The following TUSC3 variants were observed in gnomAD, a reference collection of about 807,000 sequenced individuals.
TUSC3 encodes dolichyl-diphosphooligosaccharide--protein glycosyltransferase subunit TUSC3.
Under a neutral mutation model 44.8 loss-of-function variants are expected in TUSC3, and 45 were observed. The ratio of observed to expected loss-of-function variants is 1.00; its 90% confidence interval spans 0.79 to 1.29. The LOEUF is 1.29. TUSC3 is among the 50% of genes most tolerant of loss of function. TUSC3 has a pLI of 0.00. For synonymous variants in TUSC3, 212 were observed against 152.9 expected (o/e 1.39, Z -2.85); for missense variants, 519 against 437.9 (o/e 1.19, Z -1.65).
chr8:15,533,839 C>A (rs1314739324), intron 2 of TUSC3, among the ~76,000 whole-genome samples: 2 of 152,082 alleles, frequency 1.3e-5, no homozygotes, highest in Non-Finnish European at 2.9e-5. Flanking sequence ...TTGGGGCTGA[C>A]ATCTCTCCAG....
At chr8:15,761,944 GA>G (rs1442019571) in intron 10 of TUSC3, among the ~76,000 whole-genome samples, 1 of 151,758 alleles carries the variant, frequency 6.6e-6, no homozygotes, top group Admixed American at 6.6e-5. Flanking sequence ...TGTGAAAAGG[GA>G]AAAAAATACG....
At chr8:15,564,044 C>T (rs1194121471) in intron 1 of TUSC3, among the ~76,000 whole-genome samples, 2 of 152,198 alleles carry the variant, frequency 1.3e-5, no homozygotes, top group East Asian at 1.9e-4. Flanking sequence ...ATGTTTCCCT[C>T]TTCCTCTCCA....
chr8:15,736,116 C>T (rs1414818620), intron 7 of TUSC3, among the ~76,000 whole-genome samples: 2 of 152,048 alleles, frequency 1.3e-5, no homozygotes, highest in Admixed American at 6.6e-5. Context: ...GATATGTAAA[C>T]ATAAATACAC....
At chr8:15,426,895 A>G (rs1799810173) in intron 1 of TUSC3, among the ~76,000 whole-genome samples, 1 of 152,172 alleles carries the variant, frequency 6.6e-6, no homozygotes, top group African/African-American at 2.4e-5. Context: ...TTTCAAATAC[A>G]CTATTAGCCA....
At chr8:15,845,271 T>TG in the TUSC3 span, among the ~76,000 whole-genome samples, 1 of 152,154 alleles carries the variant, frequency 6.6e-6, no homozygotes, top group Admixed American at 6.6e-5. Context: ...CATGTGACCC[T>TG]GCGCAAGGCA....
intron 6 of TUSC3, among the ~76,000 whole-genome samples, chr8:15,724,390 GAT>G (rs1810419971): frequency 6.6e-6 from 1 of 152,132 alleles, no homozygotes; most frequent in Non-Finnish European, 1.5e-5. Context: ...TATAGACATT[GAT>G]CAGGAAAACT....
intron 2 of TUSC3, among the ~76,000 whole-genome samples, chr8:15,530,272 G>T (rs1252072292): frequency 6.6e-6 from 1 of 152,004 alleles, no homozygotes; most frequent in African/African-American, 2.4e-5. Flanking sequence ...CATTTTCTCA[G>T]ATGAGGACTT....
chr8:15,585,283 C>T (rs1803549105), intron 1 of TUSC3, among the ~76,000 whole-genome samples: 1 of 152,076 alleles, frequency 6.6e-6, no homozygotes, highest in African/African-American at 2.4e-5. Context: ...AATAAAGGTT[C>T]AAGAGAGAGG....
chr8:15,428,076 G>T (rs930621784), intron 1 of TUSC3, among the ~76,000 whole-genome samples: 3 of 149,878 alleles, frequency 2.0e-5, no homozygotes, highest in African/African-American at 4.9e-5. Context: ...CCATTAACTC[G>T]TCATTTAGCA....
the TUSC3 span, among the ~76,000 whole-genome samples, chr8:15,778,286 G>A: frequency 6.6e-6 from 1 of 152,100 alleles, no homozygotes; most frequent in African/African-American, 2.4e-5. Context: ...CTGATGAGGT[G>A]AGAGTATTAC....
At chr8:15,563,841 G>C (rs1802570401) in intron 1 of TUSC3, among the ~76,000 whole-genome samples, 1 of 152,014 alleles carries the variant, frequency 6.6e-6, no homozygotes, top group Admixed American at 6.6e-5. Context: ...ATTATTTCAA[G>C]TAATTCACGT....
chr8:15,740,789 G>A lies in TUSC3; in HGVS notation c.863-2749G>A, dbSNP rs373304558. 3.5e-4 allele frequency among the ~76,000 whole-genome samples: 53 copies of A among 152,218 alleles called. No homozygotes were observed. The East Asian group carries it at 3.9e-3, about 11-fold the overall frequency. ...AAAATTCCACTTATGGTTATAGACC[G>A]TGGAGAAAATATTGCACATGTACAC... On this transcript the variant is annotated intron_variant, in intron 7 of 10. Coordinates refer to ENST00000503731, the MANE Select transcript of TUSC3 (RefSeq NM_006765.4).
chr8:15,496,523 C>G (rs924934285), intron 2 of TUSC3, among the ~76,000 whole-genome samples: 4 of 152,196 alleles, frequency 2.6e-5, no homozygotes, highest in African/African-American at 9.7e-5. Flanking sequence ...GTCCTAGCTT[C>G]TGATACATGC....
At chr8:15,706,048 C>G (rs1321830993) in intron 6 of TUSC3, among the ~76,000 whole-genome samples, 2 of 152,044 alleles carry the variant, frequency 1.3e-5, no homozygotes, top group East Asian at 1.9e-4. Context: ...AGCTGTGAGT[C>G]TGACAAAAAC....
chr8:15,738,901 C>T (rs1263888638), intron 7 of TUSC3, among the ~76,000 whole-genome samples: 16 of 131,844 alleles, frequency 1.2e-4, no homozygotes, highest in African/African-American at 4.6e-4. Flanking sequence ...GGTGCAATCT[C>T]GGCTCACTGC....
At chr8:15,678,520 G>C (rs1198172090) in intron 6 of TUSC3, among the ~76,000 whole-genome samples, 1 of 152,064 alleles carries the variant, frequency 6.6e-6, no homozygotes, top group Non-Finnish European at 1.5e-5. Context: ...ATTAAATATA[G>C]TTTTATTTTT....
chr8:15,787,889 G>A, the TUSC3 span, among the ~76,000 whole-genome samples: 1 of 152,188 alleles, frequency 6.6e-6, no homozygotes, highest in Non-Finnish European at 1.5e-5. Flanking sequence ...ATTAAGAAAT[G>A]TCATCATTTA....
intron 1 of TUSC3, among the ~76,000 whole-genome samples, chr8:15,548,569 T>A (rs1801952819): frequency 6.6e-6 from 1 of 151,772 alleles, no homozygotes; most frequent in Non-Finnish European, 1.5e-5. Context: ...CATAGAAAAA[T>A]GGGAAGAACT....
Position 15,623,179 on chromosome 8 carries a change from C to G in TUSC3, c.238C>G (p.Pro80Ala), listed in dbSNP as rs367782565. The change falls in exon 2 of 11, where the codon CCA (proline) becomes GCA (alanine). Residue 80 changes from proline to alanine, a missense_variant. Physicochemically the swap from Pro to Ala is conservative, Grantham distance 27. Coordinates refer to ENST00000503731, the MANE Select transcript of TUSC3 (RefSeq NM_006765.4). ...TAAATTCCGAAAATTTATAAAGGCA[C>G]CACCTCGAAACTATTCCATGATTGT... is the stretch of plus-strand genomic sequence containing the variant. ...GDKFRKFIKA[P>A]PRNYSMIVMF... 17 of 1,613,662 alleles carry G rather than the reference C, an allele frequency of 1.1e-5. No homozygotes were observed. The highest frequency in any genetic ancestry group is 1.6e-4 in the Middle Eastern group (1 of 6,082).
Sources: gnomAD v4.1 joint callset for allele counts (sites outside exome capture counted in the v4.1 genomes callset) on GRCh38, gnomAD v4.1.1 for gene constraint, MANE v1.5 for transcripts, NCBI Gene and HGNC (gene_info 2026-07-23, HGNC 2026-07-21) for gene names.